TMIE: variants seen among roughly 807,000 people sequenced by gnomAD.
TMIE encodes the protein transmembrane inner ear.
TMIE carries 14 observed loss-of-function variants against 16.8 expected under a neutral mutation model. The ratio of observed to expected loss-of-function variants is 0.83; its 90% confidence interval spans 0.55 to 1.30. TMIE has a LOEUF of 1.30. Among genes scored for constraint, TMIE ranks in the 50% most tolerant of loss-of-function variants. The pLI is 0.00. For synonymous variants in TMIE, 75 were observed against 87.2 expected (o/e 0.86, Z 0.78); for missense variants, 204 against 205.9 (o/e 0.99, Z 0.06).
At chr3:46,707,669 T>C (rs1158324484) in intron 2 of TMIE, among the ~76,000 whole-genome samples, 4 of 152,190 alleles carry the variant, frequency 2.6e-5, no homozygotes, top group African/African-American at 9.7e-5. Context: ...CATCTCCCCT[T>C]CTTTGAAGAG....
intron 1 of TMIE, among the ~76,000 whole-genome samples, chr3:46,695,555 A>T (rs541244437): frequency 6.6e-6 from 1 of 152,100 alleles, no homozygotes; most frequent in African/African-American, 2.4e-5. Context: ...GGGGCTTAGG[A>T]GGGAGGCAAG....
intron 1 of TMIE, among the ~76,000 whole-genome samples, chr3:46,696,036 C>G (rs1407830579): frequency 6.6e-6 from 1 of 152,174 alleles, no homozygotes; most frequent in African/African-American, 2.4e-5. Context: ...TGCAGCACAG[C>G]CAAGGGCCCC....
chr3:46,698,550 G>A (rs1015478631), upstream of TMIE, among the ~76,000 whole-genome samples: 4 of 152,088 alleles, frequency 2.6e-5, no homozygotes, highest in African/African-American at 9.7e-5. Flanking sequence ...GTCTCCCAAA[G>A]GTGTGAGCCA....
At chr3:46,705,173 C>T (rs773101786) in intron 1 of TMIE, among the ~76,000 whole-genome samples, 3 of 152,214 alleles carry the variant, frequency 2.0e-5, no homozygotes, top group Admixed American at 2.0e-4. Flanking sequence ...AGCCGCACTT[C>T]TGCCTTTTGG....
upstream of TMIE, among the ~76,000 whole-genome samples, chr3:46,700,226 C>T (rs556513073): frequency 4.6e-4 from 70 of 152,332 alleles, no homozygotes; most frequent in African/African-American, 1.7e-3. Context: ...GTCTCCTGGG[C>T]TGCAGTCCTT....
intron 1 of TMIE, among the ~76,000 whole-genome samples, chr3:46,702,666 G>A (rs1700491422): frequency 1.3e-5 from 2 of 152,064 alleles, no homozygotes; most frequent in East Asian, 1.9e-4. Flanking sequence ...GACAGTGTGG[G>A]ATAGAGAGGA....
chr3:46,701,541 C>T lies in TMIE; in HGVS notation c.54C>T (p.Leu18=), dbSNP rs1304592705. 1.5e-5 allele frequency: 20 copies of T among 1,293,306 alleles called. No individual in the cohort carries two copies. The highest frequency in any genetic ancestry group is 8.4e-5 in the Admixed American group (2 of 23,870). 80.1% of individuals were successfully genotyped at this position (1,293,306 alleles called of 1,614,324 possible). A position where few individuals can be genotyped will look rare whatever the true frequency, so the allele number is the denominator to read the frequency against. The part of the protein sequence containing the change: ...GPLCVLGGAA[L]GVCLAGVAGQ... ...TCTGCGTGCTGGGCGGCGCCGCACT[C>T]GGGGTGTGCCTCGCGGGGGTTGCCG... Residue 18 remains leucine, a synonymous_variant, in exon 1 of 4, where the codon CTC becomes CTT. Transcript: ENST00000643606. This position sits in a 1 kb window ranked among gnomAD's most constrained non-coding sequence, Gnocchi z 4.3.
rs1700598762 is a variant in TMIE, at chr3:46,709,815, A to G, written c.*127A>G. 2 of 1,550,852 alleles carry G rather than the reference A, an allele frequency of 1.3e-6. No homozygotes were observed. The highest frequency in any genetic ancestry group is 2.3e-5 in the East Asian group (1 of 42,970). On this transcript the variant is annotated 3_prime_UTR_variant, in exon 4 of 4. Transcript: ENST00000643606. ...TGGTCAGAGAGGGAAGCTGAGGCCC[A>G]TGGCCACATCCTCATGGCCCATCAG...
chr3:46,706,871 G>T (rs550582902), intron 2 of TMIE, among the ~76,000 whole-genome samples: 1 of 152,302 alleles, frequency 6.6e-6, no homozygotes, highest in African/African-American at 2.4e-5. Flanking sequence ...GCTGCACTTC[G>T]TCCCAGCCGG....
At chr3:46,697,510 ATC>A (rs1700421595), upstream of TMIE, among the ~76,000 whole-genome samples, 1 of 152,060 alleles carries the variant, frequency 6.6e-6, no homozygotes, top group Non-Finnish European at 1.5e-5. Context: ...CTTCCTCCAT[ATC>A]TCGCCCTATG....
upstream of TMIE, chr3:46,701,241 G>A (rs1700468937): frequency 2.4e-6 from 1 of 417,498 alleles, no homozygotes. This position sits in a 1 kb window ranked among gnomAD's most constrained non-coding sequence, Gnocchi z 4.3. Context: ...TGTCCCTGGG[G>A]ATGCGGAAGG....
upstream of TMIE, among the ~76,000 whole-genome samples, chr3:46,699,231 C>G (rs2106772020): frequency 6.6e-6 from 1 of 152,090 alleles, no homozygotes; most frequent in South Asian, 2.1e-4. Flanking sequence ...TGCCACCTCA[C>G]CCAGCTAATT....
upstream of TMIE, among the ~76,000 whole-genome samples, chr3:46,700,229 C>T (rs1700453302): frequency 6.6e-6 from 1 of 152,230 alleles, no homozygotes; most frequent in African/African-American, 2.4e-5. Flanking sequence ...TCCTGGGCTG[C>T]AGTCCTTCTC....
At chr3:46,694,851 C>T (rs1365401606) in intron 1 of TMIE, among the ~76,000 whole-genome samples, 1 of 152,192 alleles carries the variant, frequency 6.6e-6, no homozygotes, top group Non-Finnish European at 1.5e-5. Flanking sequence ...TCCCTCCCCA[C>T]ATTGCCAAAG....
At position 46,705,860 on chromosome 3, in the gene TMIE, G is replaced by A. The variant is rs772275618; in HGVS notation, c.164G>A (p.Arg55His). 12 of 1,614,020 alleles carry A rather than the reference G, an allele frequency of 7.4e-6. No homozygotes were observed. The highest frequency in any genetic ancestry group is 3.3e-5 in the Admixed American group (2 of 60,010). ...TKETVVFWDMRLWHVVGIFSL... is the reference protein window; with the variant it reads ...TKETVVFWDMHLWHVVGIFSL... Reference sequence around the variant, plus strand: ...GAGACAGTGGTGTTCTGGGACATGCGCCTGTGGCACGTGGTGGGCATCTTT... The same window carrying A: ...GAGACAGTGGTGTTCTGGGACATGCACCTGTGGCACGTGGTGGGCATCTTT... Residue 55 changes from arginine (R) to histidine (H), a missense_variant, in exon 2 of 4, where the codon CGC becomes CAC. Transcript: ENST00000643606.
rs950260775 is a variant in TMIE, at chr3:46,709,972, T to C, written c.*284T>C. On this transcript the variant is annotated 3_prime_UTR_variant, in exon 4 of 4. Transcript: ENST00000643606. ...CCGTCCCTCTGCAGATACACTGCTCTCCCCACCCAGACCTGCCTGTCTCCC... is the reference window on the plus strand; with the variant it reads ...CCGTCCCTCTGCAGATACACTGCTCCCCCCACCCAGACCTGCCTGTCTCCC... 3 of 491,636 alleles carry C rather than the reference T, an allele frequency of 6.1e-6. No homozygotes were observed. Among genetic ancestry groups the C allele is most frequent in the Non-Finnish European group, 1.1e-5 (3 of 273,300 alleles). 30.5% of individuals were successfully genotyped at this position (491,636 alleles called of 1,614,324 possible).
At chr3:46,696,699 C>G (rs1575466409), upstream of TMIE, among the ~76,000 whole-genome samples, 1 of 152,236 alleles carries the variant, frequency 6.6e-6, no homozygotes, top group Non-Finnish European at 1.5e-5. Flanking sequence ...CCTCTGGCCA[C>G]TACCCCCTGC....
chr3:46,706,252 C>T (rs1700551408), intron 2 of TMIE, among the ~76,000 whole-genome samples: 1 of 152,220 alleles, frequency 6.6e-6, no homozygotes, highest in Admixed American at 6.5e-5. Context: ...AGCTTAAAGG[C>T]CCACACCCAG....
rs76829263 is a variant in TMIE at position 46,705,967 on chromosome 3, C to T, written c.211+60C>T. 0.019 allele frequency: 29,343 copies of T among 1,520,540 alleles called. 336 individuals carry two copies. Among genetic ancestry groups the T allele is most frequent in the Non-Finnish European group, 0.023 (25,456 of 1,095,632 alleles). 94.2% of individuals were successfully genotyped at this position (1,520,540 alleles called of 1,614,324 possible). A position where few individuals can be genotyped will look rare whatever the true frequency, so the allele number is the denominator to read the frequency against. ...GCAGTGGGAACACAGCACCCCCTGC[C>T]CCCCAGAGGGCTCAGAGCAGCAATT... is the stretch of plus-strand genomic sequence containing the variant. On this transcript the variant is annotated intron_variant, in intron 2 of 3. Coordinates refer to ENST00000643606, the MANE Select transcript of TMIE (RefSeq NM_147196.3).
Sources: gnomAD v4.1 joint callset for allele counts (sites outside exome capture counted in the v4.1 genomes callset) on GRCh38, gnomAD v4.1.1 for gene constraint, Gnocchi (gnomAD v3.1) non-coding constraint, MANE v1.5 for transcripts, NCBI Gene and HGNC (gene_info 2026-07-23, HGNC 2026-07-21) for gene names.